The following DLGAP3 variants were observed in gnomAD, a reference collection of about 807,000 sequenced individuals.
DLGAP3 encodes the protein DLG associated protein 3.
A neutral mutation model predicts 81.2 loss-of-function variants in DLGAP3; 17 were observed. That is an observed-to-expected ratio of 0.21 (90% CI 0.14 to 0.31). The LOEUF is 0.31. Ranked by LOEUF, DLGAP3 falls within the 10% of genes least tolerant of loss-of-function variation. The pLI, the probability that DLGAP3 is intolerant of heterozygous loss-of-function variation, is 1.00. For synonymous variants in DLGAP3, 577 were observed against 587.4 expected (o/e 0.98, Z 0.26); for missense variants, 1,124 against 1,388.0 (o/e 0.81, Z 3.02).
chr1:34,911,393 T>A (rs1639637912), intron 1 of DLGAP3, among the ~76,000 whole-genome samples: 1 of 152,232 alleles, frequency 6.6e-6, no homozygotes, highest in Non-Finnish European at 1.5e-5. Context: ...GAATAAAGGA[T>A]GCTCCCTGAA....
chr1:34,899,630 T>A (rs747553624), intron 5 of DLGAP3, 39 bp downstream of exon 5: 14 of 1,543,410 alleles, frequency 9.1e-6, no homozygotes, highest in Admixed American at 1.7e-5. Context: ...TGAATCCCTT[T>A]TTCACTCTTT....
intron 8 of DLGAP3, among the ~76,000 whole-genome samples, chr1:34,879,932 A>T (rs556497394): frequency 4.6e-5 from 7 of 152,360 alleles, no homozygotes; most frequent in African/African-American, 1.7e-4. Flanking sequence ...CACAGCAGAC[A>T]AAAGAAAATA....
At chr1:34,920,836 T>C (rs1238000872) in intron 1 of DLGAP3, among the ~76,000 whole-genome samples, 1 of 152,248 alleles carries the variant, frequency 6.6e-6, no homozygotes, top group Admixed American at 6.5e-5. Context: ...ATGAAGTTTA[T>C]ATTCTAGTGG....
At chr1:34,880,005 C>A (rs1474028620) in intron 8 of DLGAP3, among the ~76,000 whole-genome samples, 1 of 152,104 alleles carries the variant, frequency 6.6e-6, no homozygotes, top group East Asian at 1.9e-4. Flanking sequence ...TAGTTTTTTT[C>A]AAAGACGAAT....
intron 5 of DLGAP3, among the ~76,000 whole-genome samples, chr1:34,892,762 T>A (rs1054063410): frequency 4.6e-5 from 7 of 152,160 alleles, no homozygotes; most frequent in Non-Finnish European, 8.8e-5. Context: ...CACTAAGAGA[T>A]CTATATTCAC....
chr1:34,866,295 TCTC>T lies in DLGAP3; in HGVS notation c.2725_2727del (p.Glu909del), dbSNP rs775105549. 3.0e-5 allele frequency: 46 copies of T among 1,523,396 alleles called. No individual in the cohort carries two copies. In the African/African-American group the frequency reaches 4.3e-4, roughly 14 times the overall value. The allele number at this position is 1,523,396 out of a possible 1,614,324, so 94.4% of individuals were successfully genotyped here. ...TTTGGTATCGGCGGAGGGACCTTCT[TCTC>T]CTCCTGCGGGGCAGAGGGCGTCGCT... On this transcript the variant is annotated inframe_deletion, in exon 12 of 12. Coordinates refer to ENST00000373347, the MANE Select transcript of DLGAP3 (RefSeq NM_001080418.3).
At chr1:34,910,102 T>C (rs1639616532) in intron 1 of DLGAP3, among the ~76,000 whole-genome samples, 1 of 152,184 alleles carries the variant, frequency 6.6e-6, no homozygotes, top group African/African-American at 2.4e-5. Context: ...AGGGCCGCTA[T>C]CTTGCCACCA....
chr1:34,872,823 G>A (rs918199833), intron 8 of DLGAP3, among the ~76,000 whole-genome samples: 25 of 152,170 alleles, frequency 1.6e-4, no homozygotes, highest in Admixed American at 1.4e-3. Context: ...CTGGGAAAAG[G>A]TGACAAATGG....
intron 1 of DLGAP3, among the ~76,000 whole-genome samples, chr1:34,915,225 C>A (rs976754201): frequency 2.6e-5 from 4 of 152,202 alleles, no homozygotes; most frequent in Non-Finnish European, 4.4e-5. Context: ...CCTTAGCTTG[C>A]GGCAATGAGT....
chr1:34,908,402 C>T (rs867496147), intron 1 of DLGAP3, among the ~76,000 whole-genome samples: 1 of 152,110 alleles, frequency 6.6e-6, no homozygotes, highest in Non-Finnish European at 1.5e-5. Flanking sequence ...AGGAAAAGAA[C>T]CTACCCAGTG....
Position 34,867,717 on chromosome 1 carries a change from G to A in DLGAP3, c.2486-90C>T, listed in dbSNP as rs900019349. On this transcript the variant is annotated intron_variant, in intron 9 of 11. Coordinates refer to ENST00000373347, the MANE Select transcript of DLGAP3 (RefSeq NM_001080418.3). This position sits in a 1 kb window ranked among gnomAD's most constrained non-coding sequence, Gnocchi z 4.3. ...CTGCCCTGAATGACGCTGACCCCTC[G>A]GTTGCTTGGCACTGTGTATCCATCA... 10 of 1,084,196 alleles carry A rather than the reference G, an allele frequency of 9.2e-6. No homozygotes were observed. In the Admixed American group the frequency reaches 1.4e-4, roughly 15 times the overall value. The allele number at this position is 1,084,196 out of a possible 1,614,324, so 67.2% of individuals were successfully genotyped here.
intron 4 of DLGAP3, 88 bp from the exon 5 acceptor site, chr1:34,899,829 G>T: frequency 7.9e-7 from 1 of 1,272,438 alleles, no homozygotes; most frequent in East Asian, 2.3e-5. Flanking sequence ...CCCTGAGTAA[G>T]TCCTATTCCT....
At position 34,902,940 on chromosome 1, in the gene DLGAP3, G is replaced by A. The variant is rs1308741769; in HGVS notation, c.1107+1337C>T. Among the ~76,000 whole-genome samples the A allele has an allele frequency of 6.6e-6, 1 of 152,078 alleles. No homozygotes were observed. The highest frequency in any genetic ancestry group is 1.5e-5 in the Non-Finnish European group (1 of 67,996). On this transcript the variant is annotated intron_variant, in intron 3 of 11. Coordinates refer to ENST00000373347, the MANE Select transcript of DLGAP3 (RefSeq NM_001080418.3). This position sits in a 1 kb window ranked among gnomAD's most constrained non-coding sequence, Gnocchi z 4.4. ...CCTGCACCCTGCAGTTCCCAGCTTAGAGCACCTCCCTACCCAGGGAGGGGG... is the reference window on the plus strand; with the variant it reads ...CCTGCACCCTGCAGTTCCCAGCTTAAAGCACCTCCCTACCCAGGGAGGGGG...
intron 1 of DLGAP3, among the ~76,000 whole-genome samples, chr1:34,921,732 G>T (rs1057210357): frequency 7.9e-5 from 12 of 152,238 alleles, no homozygotes; most frequent in African/African-American, 2.9e-4. Flanking sequence ...CCAGATGAGT[G>T]AGATGCACAT....
chr1:34,883,666 A>ATCCCC (rs1639177980), intron 8 of DLGAP3, among the ~76,000 whole-genome samples: 1 of 152,158 alleles, frequency 6.6e-6, no homozygotes, highest in African/African-American at 2.4e-5. Flanking sequence ...TTTAGAAGTC[A>ATCCCC]TGCAGGCAAC....
chr1:34,903,763 G>A (rs546096477), intron 3 of DLGAP3, among the ~76,000 whole-genome samples: 17 of 152,260 alleles, frequency 1.1e-4, no homozygotes, highest in Admixed American at 5.2e-4. Context: ...TCCCACCACC[G>A]GTACCCCGGA....
intron 1 of DLGAP3, among the ~76,000 whole-genome samples, chr1:34,928,731 GCACACACACA>G (rs147710532): frequency 6.7e-6 from 1 of 149,000 alleles, no homozygotes; most frequent in African/African-American, 2.5e-5. Context: ...GCGCGCACAC[GCACACACACA>G]CACACACAGT....
In DLGAP3 at chr1:34,895,299, C is replaced by T. The variant is rs910419376; in HGVS notation, c.1386+4370G>A. 8.6e-5 allele frequency among the ~76,000 whole-genome samples: 13 copies of T among 150,346 alleles called. No homozygotes were observed. Among genetic ancestry groups the T allele is most frequent in the African/African-American group, 3.2e-4 (13 of 40,796 alleles). ...AGAAGAATGGCGTGAACCCAGGAAG[C>T]GGAGCTTGCAGTGAGCCGAGATCAT... On this transcript the variant is annotated intron_variant, in intron 5 of 11. Transcript: ENST00000373347. The surrounding 1 kb of genome is among the most constrained non-coding windows in gnomAD (Gnocchi z 4.5).
intron 1 of DLGAP3, among the ~76,000 whole-genome samples, 170 bp from the exon 2 acceptor site, chr1:34,907,607 T>C (rs1162041565): frequency 2.0e-5 from 3 of 152,216 alleles, no homozygotes; most frequent in Non-Finnish European, 4.4e-5. Context: ...TGAGGTTGGC[T>C]TCATTATGCA....
Sources: gnomAD v4.1 joint callset for allele counts (sites outside exome capture counted in the v4.1 genomes callset) on GRCh38, gnomAD v4.1.1 for gene constraint, Gnocchi (gnomAD v3.1) non-coding constraint, MANE v1.5 for transcripts, NCBI Gene and HGNC (gene_info 2026-07-23, HGNC 2026-07-21) for gene names.